CLSPN: variants seen among roughly 807,000 people sequenced by gnomAD.
CLSPN encodes claspin, also known as claspin homolog.
A neutral mutation model predicts 156.3 loss-of-function variants in CLSPN; 85 were observed. The observed-to-expected ratio is 0.54, with a 90% CI of 0.46 to 0.65. The LOEUF is 0.65. Ranked by LOEUF, CLSPN falls within the 30% of genes least tolerant of loss-of-function variation. The probability of loss-of-function intolerance (pLI) is 0.00; values close to 1 mark genes in which losing one functional copy is unlikely to be tolerated. For missense variants in CLSPN, 1,407 were observed against 1,554.9 expected (o/e 0.90, Z 1.60); for synonymous variants, 534 against 542.4 (o/e 0.98, Z 0.22).
intron 8 of CLSPN, among the ~76,000 whole-genome samples, chr1:35,754,980 C>T (rs1001603705): frequency 2.0e-5 from 3 of 152,206 alleles, no homozygotes; most frequent in Admixed American, 6.5e-5. Context: ...CCTACTCACT[C>T]TGCTTAACAC....
In CLSPN at chr1:35,735,971, A is replaced by G. The variant is rs1225731524; in HGVS notation, c.*525T>C. The G allele has an allele frequency of 3.2e-5, 31 of 978,314 alleles. No individual in the cohort carries two copies. The highest frequency in any genetic ancestry group is 3.8e-5 in the Non-Finnish European group (31 of 823,690). The allele number at this position is 978,314 out of a possible 1,614,324, so 60.6% of individuals were successfully genotyped here. ...GCAGTGACTCATGCATGTGACCAGC[A>G]CTTTGTGGGGCCGAGGTGGATGGAT... On this transcript the variant is annotated 3_prime_UTR_variant, in exon 25 of 25. Coordinates refer to ENST00000318121, the MANE Select transcript of CLSPN (RefSeq NM_022111.4).
rs945938115 is a variant in CLSPN at position 35,765,306 on chromosome 1, G to T, written c.45C>A (p.Asp15Glu). 2 of 1,613,072 alleles carry T rather than the reference G, an allele frequency of 1.2e-6. No individual in the cohort carries two copies. Among genetic ancestry groups the T allele is most frequent in the African/African-American group, 2.7e-5 (2 of 74,862 alleles). ...VGSEVHLEIN[D>E]PNVISQEEAD... ...CTTCCTCTTGTGAAATGACGTTTGG[G>T]TCATTGATTTCTAGGTGAACCTAGA... Residue 15 changes from aspartate (D) to glutamate (E), a missense_variant, in exon 2 of 25, where the codon GAC becomes GAA. Around this residue, in one of 3 missense-constraint regions of CLSPN, gnomAD observed 1,096 missense variants for 1,193.0 expected, o/e 0.92. Transcript: ENST00000318121.
At position 35,763,308 on chromosome 1, in the gene CLSPN, T is replaced by A; in HGVS notation, c.596A>T (p.Glu199Val). The A allele has an allele frequency of 6.3e-7, 1 of 1,587,450 alleles. No homozygotes were observed. Residue 199 changes from glutamate to valine, a missense_variant, in exon 4 of 25, where the codon GAA becomes GTA. Around this residue, in one of 3 missense-constraint regions of CLSPN, gnomAD observed 1,096 missense variants for 1,193.0 expected, o/e 0.92. Coordinates refer to ENST00000318121, the MANE Select transcript of CLSPN (RefSeq NM_022111.4). ...KETKNQEDDVEQPFNDSGCLL... is the reference protein window; with the variant it reads ...KETKNQEDDVVQPFNDSGCLL... ...ACAGCCACTGTCATTAAATGGCTGT[T>A]CTACATCATCTTCCTAAGTAATACA... is the stretch of plus-strand genomic sequence containing the variant.
intron 14 of CLSPN, among the ~76,000 whole-genome samples, chr1:35,747,393 C>T (rs1220966696): frequency 1.3e-5 from 2 of 152,098 alleles, no homozygotes; most frequent in Non-Finnish European, 2.9e-5. Flanking sequence ...GAATTCATTT[C>T]CTACACCAGT....
In CLSPN at chr1:35,735,355, G is replaced by T. The variant is rs974831096; in HGVS notation, c.*1141C>A. 1 of 985,296 alleles carries T rather than the reference G, an allele frequency of 1.0e-6. No homozygotes were observed. Among genetic ancestry groups the T allele is most frequent in the African/African-American group, 1.7e-5 (1 of 57,226 alleles). 61.0% of individuals were successfully genotyped at this position (985,296 alleles called of 1,614,324 possible). On this transcript the variant is annotated 3_prime_UTR_variant, in exon 25 of 25. Coordinates refer to ENST00000318121, the MANE Select transcript of CLSPN (RefSeq NM_022111.4). ...CTTGGGAAGAAGCATACAGGAAAAT[G>T]AAAGGGGTAAGAGTAATACAGCAGC...
At chr1:35,730,039 T>C (rs1641276812), downstream of CLSPN, among the ~76,000 whole-genome samples, 1 of 152,254 alleles carries the variant, frequency 6.6e-6, no homozygotes, top group Non-Finnish European at 1.5e-5. Context: ...TTCAGCTCTA[T>C]GCTTTTCACC....
chr1:35,729,210 A>G (rs1641261690), downstream of CLSPN, among the ~76,000 whole-genome samples: 1 of 152,048 alleles, frequency 6.6e-6, no homozygotes, highest in African/African-American at 2.4e-5. Context: ...CTCACTCCCA[A>G]CCCTGCCTCA....
chr1:35,728,201 C>A (rs1641237381), downstream of CLSPN, among the ~76,000 whole-genome samples: 1 of 151,922 alleles, frequency 6.6e-6, no homozygotes, highest in African/African-American at 2.4e-5. Flanking sequence ...CCTACCTCAG[C>A]CTCCCAAGTA....
In CLSPN at chr1:35,762,450, T is replaced by G; in HGVS notation, c.776A>C (p.His259Pro). 1 of 1,613,966 alleles carries G rather than the reference T, an allele frequency of 6.2e-7. No individual in the cohort carries two copies. The highest frequency in any genetic ancestry group is 8.5e-7 in the Non-Finnish European group (1 of 1,179,902). The change falls in exon 5 of 25, where the codon CAT (histidine) becomes CCT (proline). Residue 259 changes from histidine to proline, a missense_variant. Coordinates refer to ENST00000318121, the MANE Select transcript of CLSPN (RefSeq NM_022111.4). The part of the protein sequence containing the change: ...KKEPSLESGV[H>P]SFEEGSELSK... ...TAACTCACTTCCTTCCTCAAATGAA[T>G]GGACCCCACTCTCCAAAGATGGTTC... is the stretch of plus-strand genomic sequence containing the variant.
chr1:35,769,733 A>AGCCGCAGTCCTCCCGCCCGGGC, intron 1 of CLSPN, 114 bp downstream of exon 1: 1 of 1,002,838 alleles, frequency 1.0e-6, no homozygotes. Flanking sequence ...GAACGCCGGG[A>AGCCGCAGTCCTCCCGCCCGGGC]GCCGCAGTCC....
At position 35,763,339 on chromosome 1, in the gene CLSPN, A is replaced by T. The variant is rs1396449398; in HGVS notation, c.583-18T>A. The T allele has an allele frequency of 6.5e-7, 1 of 1,546,242 alleles. No individual in the cohort carries two copies. Among genetic ancestry groups the T allele is most frequent in the East Asian group, 2.4e-5 (1 of 42,354 alleles). The stretch of plus-strand genomic sequence containing the variant: ...TCATCTTCCTAAGTAATACATAAAC[A>T]AAAAGCATAATCCAATCATTTAAAA... On this transcript the variant is annotated intron_variant, in intron 3 of 24. Coordinates refer to ENST00000318121, the MANE Select transcript of CLSPN (RefSeq NM_022111.4).
chr1:35,751,053 A>G (rs1405863266), intron 10 of CLSPN, among the ~76,000 whole-genome samples, 197 bp downstream of exon 10: 3 of 151,504 alleles, frequency 2.0e-5, no homozygotes, highest in African/African-American at 7.3e-5. Context: ...CAGATATATA[A>G]TGATGATCTA....
chr1:35,766,990 G>C (rs1348613035), intron 1 of CLSPN, among the ~76,000 whole-genome samples: 1 of 151,772 alleles, frequency 6.6e-6, no homozygotes, highest in African/African-American at 2.4e-5. Flanking sequence ...CAGGTGATCC[G>C]CCTGCCTCAG....
intron 7 of CLSPN, 71 bp downstream of exon 7, chr1:35,761,025 C>A (rs1220799905): frequency 1.4e-6 from 2 of 1,424,058 alleles, no homozygotes; most frequent in East Asian, 4.6e-5. Flanking sequence ...GAAATCTGAA[C>A]TTTTTATGCC....
chr1:35,736,916 G>A lies in CLSPN; in HGVS notation c.3907C>T (p.Gln1303Ter). 1.2e-6 allele frequency: 2 copies of A among 1,613,430 alleles called. No homozygotes were observed. Among genetic ancestry groups the A allele is most frequent in the Non-Finnish European group, 1.7e-6 (2 of 1,179,750 alleles). The change falls in exon 24 of 25, where the codon CAG becomes TAG. Residue 1303 changes from glutamine to a stop codon, truncating the protein, a stop_gained and splice_region_variant. Coordinates refer to ENST00000318121, the MANE Select transcript of CLSPN (RefSeq NM_022111.4). LOFTEE classifies it high-confidence loss of function. ...AEAAKESSKS[Q>*]VKKRGPSFMT... ...ATATTAGTTCTCAAATTCCATACCTGAGACTTAGACGATTCCTTTGCCGCC... is the reference window on the plus strand; with the variant it reads ...ATATTAGTTCTCAAATTCCATACCTAAGACTTAGACGATTCCTTTGCCGCC...
chr1:35,720,897 A>T, exon 25 of CLSPN: 1 of 1,610,934 alleles, frequency 6.2e-7, no homozygotes, highest in Non-Finnish European at 8.5e-7. Context: ...CAGCTTAACC[A>T]TGTGGGTCAA....
chr1:35,729,947 T>G (rs1260427413), downstream of CLSPN, among the ~76,000 whole-genome samples: 3 of 152,232 alleles, frequency 2.0e-5, no homozygotes, highest in Non-Finnish European at 4.4e-5. Context: ...AAAGTCATGA[T>G]GCTTACAAGC....
At chr1:35,768,337 CA>C (rs1156398064) in intron 1 of CLSPN, among the ~76,000 whole-genome samples, 1 of 151,448 alleles carries the variant, frequency 6.6e-6, no homozygotes, top group Non-Finnish European at 1.5e-5. Flanking sequence ...CACTGCACTC[CA>C]GTCTGGGCAA....
intron 1 of CLSPN, among the ~76,000 whole-genome samples, chr1:35,765,797 T>G (rs897434478): frequency 6.6e-6 from 1 of 152,162 alleles, no homozygotes; most frequent in East Asian, 1.9e-4. Flanking sequence ...TGCTGCCTAA[T>G]AGAAGTACCC....
Sources: gnomAD v4.1 joint callset for allele counts (sites outside exome capture counted in the v4.1 genomes callset) on GRCh38, gnomAD v4.1.1 for gene constraint, gnomAD v4.1.1 regional missense constraint, MANE v1.5 for transcripts, NCBI Gene and HGNC (gene_info 2026-07-23, HGNC 2026-07-21) for gene names.